Variants in MBIP observed in about 807,000 individuals in gnomAD.
The protein encoded by MBIP is MAP3K12-binding inhibitory protein 1.
In MBIP, 32 loss-of-function variants were observed where a neutral mutation model predicts 45.7. The ratio of observed to expected loss-of-function variants is 0.70; its 90% CI spans 0.53 to 0.94. The LOEUF is 0.94. Ranked by LOEUF, MBIP falls within the 40% of genes least tolerant of loss-of-function variation. The pLI is 0.00. For missense variants in MBIP, 381 were observed against 405.5 expected, an observed-to-expected ratio of 0.94 and a Z score of 0.52; for synonymous variants, 145 against 141.0, an observed-to-expected ratio of 1.03 and a Z score of -0.20.
chr14:36,314,188 C>T (rs1880392314), intron 4 of MBIP: 1 of 230,876 alleles, frequency 4.3e-6, no homozygotes, highest in Non-Finnish European at 8.4e-6. Context: ...ATTCATAGAG[C>T]TCAGTTCCTT....
intron 4 of MBIP, chr14:36,313,379 G>T (rs112174624): frequency 6.6e-6 from 1 of 152,134 alleles, no homozygotes; most frequent in Non-Finnish European, 1.5e-5. Context: ...AGCCAGCAAA[G>T]AATTGAATGG....
chr14:36,308,734 T>C (rs941899573), intron 6 of MBIP, among the ~76,000 whole-genome samples: 1 of 152,136 alleles, frequency 6.6e-6, no homozygotes, highest in South Asian at 2.1e-4. Context: ...TTTATGATTA[T>C]ATCAAGAATC....
intron 5 of MBIP, 115 bp downstream of exon 5, chr14:36,311,844 C>T (rs568511342): frequency 1.4e-5 from 16 of 1,156,352 alleles, no homozygotes; most frequent in East Asian, 9.8e-5. Context: ...GTATGAAGGA[C>T]GGCAAGATGT....
At chr14:36,311,357 A>G (rs1438448246) in intron 6 of MBIP, among the ~76,000 whole-genome samples, 3 of 151,918 alleles carry the variant, frequency 2.0e-5, no homozygotes, top group Non-Finnish European at 4.4e-5. Flanking sequence ...TTAAACTTCA[A>G]TTTATTTATC....
rs938034129 is a variant in MBIP, at chr14:36,316,736, G to A, written c.206C>T (p.Ala69Val). 7.4e-6 allele frequency: 12 copies of A among 1,612,772 alleles called. No homozygotes were observed. The highest frequency in any genetic ancestry group is 1.0e-5 in the Non-Finnish European group (12 of 1,179,116). Residue 69 changes from alanine to valine, a missense_variant, in exon 2 of 9, where the codon GCA (alanine) becomes GTA (valine). Coordinates refer to ENST00000416007, the MANE Select transcript of MBIP (RefSeq NM_016586.3). ...KLQSLSAFQP[A>V]LLFSALEQHI... ...TTGTTCAAGTGCACTAAAGAGCAAT[G>A]CAGGCTGGAATGCCGAGAGGCTCTG... is the stretch of plus-strand genomic sequence containing the variant.
At position 36,314,505 on chromosome 14, in the gene MBIP, T is replaced by C. The variant is rs377329140; in HGVS notation, c.571+7A>G. 60 of 1,574,708 alleles carry C rather than the reference T, an allele frequency of 3.8e-5. No homozygotes were observed. The African/African-American group carries it at 5.4e-4, about 14-fold the overall frequency. On this transcript the variant is annotated splice_region_variant and intron_variant, in intron 4 of 8. Coordinates refer to ENST00000416007, the MANE Select transcript of MBIP (RefSeq NM_016586.3). ...AACCCTATGAAAATTAATTTCCAGG[T>C]AGTTACCTTGATTACAATCAATAAC...
At chr14:36,318,424 A>C (rs920289692) in intron 1 of MBIP, among the ~76,000 whole-genome samples, 1 of 151,996 alleles carries the variant, frequency 6.6e-6, no homozygotes, top group South Asian at 2.1e-4. Flanking sequence ...AACTGTCCTA[A>C]TACATCTAAC....
rs1182523783 is a variant in MBIP, at chr14:36,300,892, T to C, written c.889-69A>G. On this transcript the variant is annotated intron_variant, in intron 7 of 8. Transcript: ENST00000416007. ...TCATTTTTTTTTCTTTATAAAATACTGTACAAATTATGTACAGCCTTGGGA... is the reference window on the plus strand; with the variant it reads ...TCATTTTTTTTTCTTTATAAAATACCGTACAAATTATGTACAGCCTTGGGA... 6.1e-6 allele frequency: 6 copies of C among 977,210 alleles called. No homozygotes were observed. In the Admixed American group the frequency reaches 8.5e-5, roughly 14 times the overall value. The allele number at this position is 977,210 out of a possible 1,614,324, so 60.5% of individuals were successfully genotyped here. A position where few individuals can be genotyped will look rare whatever the true frequency, so the allele number is the denominator to read the frequency against.
rs28372966 is a variant in MBIP at position 36,320,607 on chromosome 14, C to CCCA, written c.-22_-20dup. The CCCA allele has an allele frequency of 0.014, 21,317 of 1,548,820 alleles. 1,441 individuals are homozygous for CCCA. In the East Asian group the frequency reaches 0.23, roughly 17 times the overall value. ...CAGCCATGATATCTTCTCAGGCCGC[C>CCCA]CCACCACCACCACCACCAAGATTTG... is the stretch of plus-strand genomic sequence containing the variant. On this transcript the variant is annotated 5_prime_UTR_variant, in exon 1 of 9. Coordinates refer to ENST00000416007, the MANE Select transcript of MBIP (RefSeq NM_016586.3).
At chr14:36,319,804 A>C (rs531639457) in intron 1 of MBIP, 1 of 172,804 alleles carries the variant, frequency 5.8e-6, no homozygotes, top group East Asian at 1.8e-4. Context: ...TCAATTTAAA[A>C]CCAATTTTAC....
intron 7 of MBIP, among the ~76,000 whole-genome samples, chr14:36,303,681 C>T (rs1390770155): frequency 6.6e-6 from 1 of 152,198 alleles, no homozygotes; most frequent in East Asian, 1.9e-4. Context: ...CTGTCATACA[C>T]ACGTTCACGC....
At chr14:36,311,544 T>C (rs759521795) in intron 6 of MBIP, 29 bp downstream of exon 6, 38 of 1,567,538 alleles carry the variant, frequency 2.4e-5, no homozygotes, top group Admixed American at 3.8e-5. Flanking sequence ...AAAGGTTCAT[T>C]ATGAGGTGCC....
intron 7 of MBIP, chr14:36,305,292 T>C (rs904569649): frequency 3.9e-5 from 6 of 152,200 alleles, no homozygotes; most frequent in Admixed American, 2.6e-4. Context: ...TTGTGTCATG[T>C]ATGTTCACAG....
rs1880859415 is a variant in MBIP, at chr14:36,320,631, T to G, written c.-43A>C. On this transcript the variant is annotated 5_prime_UTR_variant, in exon 1 of 9. Coordinates refer to ENST00000416007, the MANE Select transcript of MBIP (RefSeq NM_016586.3). ...CCCCACCACCACCACCACCAAGATT[T>G]GCTCACAACCCCGCCCCCTCCCTTC... The G allele has an allele frequency of 1.3e-6, 2 of 1,564,590 alleles. No homozygotes were observed. Among genetic ancestry groups the G allele is most frequent in the Non-Finnish European group, 8.7e-7 (1 of 1,156,018 alleles).
chr14:36,314,239 C>T (rs1880398627), intron 4 of MBIP: 1 of 327,100 alleles, frequency 3.1e-6, no homozygotes, highest in Non-Finnish European at 5.5e-6. Context: ...CGTACCTCAC[C>T]TTCATTTCCT....
At chr14:36,314,967 T>C (rs1880480531) in intron 2 of MBIP, 52 bp from the exon 3 acceptor site, 3 of 1,014,862 alleles carry the variant, frequency 3.0e-6, no homozygotes, top group Non-Finnish European at 4.6e-6. Flanking sequence ...CAAAATTAAT[T>C]ACACACTTAA....
At chr14:36,302,988 G>C (rs1879662675) in intron 7 of MBIP, among the ~76,000 whole-genome samples, 1 of 152,186 alleles carries the variant, frequency 6.6e-6, no homozygotes, top group Admixed American at 6.5e-5. Flanking sequence ...CTCCCAGTCA[G>C]CCATGGGGTA....
chr14:36,315,104 ACCATTATCATTTGCTAT>A (rs1880489292), intron 2 of MBIP, among the ~76,000 whole-genome samples, 189 bp from the exon 3 acceptor site: 1 of 152,104 alleles, frequency 6.6e-6, no homozygotes, highest in African/African-American at 2.4e-5. Context: ...TGCTATTGTA[ACCATTATCATTTGCTAT>A]AAATTTGTTT....
chr14:36,313,430 C>T (rs1880335483), intron 4 of MBIP: 2 of 152,084 alleles, frequency 1.3e-5, no homozygotes. Flanking sequence ...TCGTCAATTT[C>T]TATCCCCTGG....
Sources: gnomAD v4.1 joint callset for allele counts (sites outside exome capture counted in the v4.1 genomes callset) on GRCh38, gnomAD v4.1.1 for gene constraint, MANE v1.5 for transcripts, NCBI Gene and HGNC (gene_info 2026-07-23, HGNC 2026-07-21) for gene names.